PATJ: variants seen among roughly 807,000 people sequenced by gnomAD.
PATJ encodes inaD-like protein.
Under a neutral mutation model 224.9 loss-of-function variants are expected in PATJ, and 190 were observed. The observed-to-expected ratio is 0.84, with a 90% confidence interval of 0.75 to 0.95. PATJ has a LOEUF of 0.95. PATJ is among the 40% of genes least tolerant of loss of function. The pLI is 0.00. For missense variants in PATJ, 2,121 were observed against 2,270.3 expected (o/e 0.93, Z 1.34); for synonymous variants, 769 against 820.3 (o/e 0.94, Z 1.07).
At chr1:62,101,373 C>T (rs1205973932) in intron 33 of PATJ, among the ~76,000 whole-genome samples, 1 of 149,904 alleles carries the variant, frequency 6.7e-6, no homozygotes, top group East Asian at 2.0e-4. Flanking sequence ...AAGTGATTCT[C>T]CTGCCTCAGC....
intron 28 of PATJ, 25 bp downstream of exon 28, chr1:61,990,389 A>G (rs1415035125): frequency 1.3e-6 from 2 of 1,571,636 alleles, no homozygotes; most frequent in African/African-American, 2.7e-5. Flanking sequence ...TTTTTAACTT[A>G]TCTTTTGGTG....
At chr1:62,005,434 G>A (rs544155424) in intron 28 of PATJ, among the ~76,000 whole-genome samples, 21 of 120,068 alleles carry the variant, frequency 1.7e-4, no homozygotes, top group East Asian at 7.4e-4. Flanking sequence ...TTTTTTTTTC[G>A]TCTGTGTGTT....
intron 31 of PATJ, among the ~76,000 whole-genome samples, chr1:62,075,006 C>T (rs1233293717): frequency 3.3e-5 from 5 of 152,228 alleles, no homozygotes; most frequent in Non-Finnish European, 5.9e-5. Flanking sequence ...TCCCACCTAC[C>T]TCAAGCACAT....
intron 27 of PATJ, among the ~76,000 whole-genome samples, chr1:61,936,625 G>A (rs1676928240): frequency 6.6e-6 from 1 of 152,056 alleles, no homozygotes; most frequent in South Asian, 2.1e-4. Context: ...AGGCTGGAGT[G>A]CAGTGGCGTG....
At position 62,086,246 on chromosome 1, in the gene PATJ, G is replaced by GTGTGTGTGTGTGTGTGTA. The variant is rs1485900733; in HGVS notation, c.4377+1611_4377+1612insGTGTATGTGTGTGTGTGT. Among the ~76,000 whole-genome samples the GTGTGTGTGTGTGTGTGTA allele has an allele frequency of 2.4e-4, 37 of 151,488 alleles. No homozygotes were observed. The highest frequency in any genetic ancestry group is 7.5e-4 in the African/African-American group (31 of 41,278). On this transcript the variant is annotated intron_variant, in intron 33 of 43. Transcript: ENST00000642238. The surrounding 1 kb of genome is among the most constrained non-coding windows in gnomAD (Gnocchi z 4.0). The stretch of plus-strand genomic sequence containing the variant: ...TTAATGCATGTGTGTGTGTGTGTAT[G>GTGTGTGTGTGTGTGTGTA]TGTGTGTGTGTGTTTAATACCTGCA...
At chr1:61,932,672 G>A (rs1676210679) in intron 27 of PATJ, among the ~76,000 whole-genome samples, 1 of 152,186 alleles carries the variant, frequency 6.6e-6, no homozygotes, top group South Asian at 2.1e-4. Context: ...GGCCGAGGTG[G>A]GTGGATCACC....
chr1:62,055,762 G>C (rs1307744590), intron 31 of PATJ, among the ~76,000 whole-genome samples: 2 of 152,074 alleles, frequency 1.3e-5, no homozygotes, highest in Non-Finnish European at 2.9e-5. Context: ...AATGTATTAG[G>C]GTTCTCCGAA....
intron 43 of PATJ, among the ~76,000 whole-genome samples, chr1:62,160,229 G>C (rs1370581668): frequency 6.6e-6 from 1 of 152,066 alleles, no homozygotes; most frequent in Admixed American, 6.6e-5. Flanking sequence ...AAAAAACCCT[G>C]AAGTTTCACT....
intron 22 of PATJ, among the ~76,000 whole-genome samples, chr1:61,895,703 T>C (rs1670267669): frequency 6.6e-6 from 1 of 152,188 alleles, no homozygotes; most frequent in Non-Finnish European, 1.5e-5. Flanking sequence ...CAGGGCAATG[T>C]AGAGGAAAAA....
chr1:61,813,334 CATATATATATAT>C (rs747640923), intron 14 of PATJ, among the ~76,000 whole-genome samples: 51 of 63,074 alleles, frequency 8.1e-4, no homozygotes, highest in East Asian at 4.3e-3. Context: ...ATGGAATGTA[CATATATATATAT>C]ATATATATAT....
chr1:61,809,851 CT>C (rs34929042), intron 14 of PATJ, among the ~76,000 whole-genome samples: 62 of 138,910 alleles, frequency 4.5e-4, no homozygotes, highest in Admixed American at 5.8e-4. Flanking sequence ...TCTTTTCTTT[CT>C]TTTTTTTTTT....
intron 26 of PATJ, among the ~76,000 whole-genome samples, chr1:61,923,639 C>T (rs1165275406): frequency 6.6e-6 from 1 of 152,008 alleles, no homozygotes; most frequent in Non-Finnish European, 1.5e-5. Flanking sequence ...AGTGACTAGC[C>T]GGGCGTGGTG....
At chr1:61,895,188 G>A (rs1406331086) in intron 22 of PATJ, among the ~76,000 whole-genome samples, 1 of 152,222 alleles carries the variant, frequency 6.6e-6, no homozygotes, top group Non-Finnish European at 1.5e-5. Context: ...GAGCATAAAG[G>A]TGTAGAAAAT....
Position 61,901,299 on chromosome 1 carries a change from A to AAAATCTGG in PATJ, c.3222_3223insAATCTGGA (p.Pro1075AsnfsTer19), listed in dbSNP as rs1233770184. ...TTATATAGTGTTGAGATTTTTAGAG[A>AAAATCTGG]ACCCAATGTGTCTCTTGGGATCAGT... On this transcript the variant is annotated frameshift_variant, in exon 24 of 44. Coordinates refer to ENST00000642238, the MANE Select transcript of PATJ (RefSeq NM_001350145.3). LOFTEE classifies it high-confidence loss of function. 1 of 1,531,486 alleles carries AAAATCTGG rather than the reference A, an allele frequency of 6.5e-7. No homozygotes were observed. The highest frequency in any genetic ancestry group is 8.7e-7 in the Non-Finnish European group (1 of 1,150,308). 94.9% of individuals were successfully genotyped at this position (1,531,486 alleles called of 1,614,324 possible). A position where few individuals can be genotyped will look rare whatever the true frequency, so the allele number is the denominator to read the frequency against.
chr1:61,988,165 C>T (rs1644869766), intron 27 of PATJ, among the ~76,000 whole-genome samples: 1 of 152,106 alleles, frequency 6.6e-6, no homozygotes, highest in South Asian at 2.1e-4. Flanking sequence ...CACCACTGCA[C>T]TCCAGCCTGG....
chr1:61,972,327 T>A (rs1438241806), intron 27 of PATJ, among the ~76,000 whole-genome samples: 1 of 152,034 alleles, frequency 6.6e-6, no homozygotes, highest in Non-Finnish European at 1.5e-5. Flanking sequence ...AGTTGCAGAT[T>A]TTTGAGCATT....
chr1:61,806,390 C>T (rs553222882), intron 13 of PATJ, among the ~76,000 whole-genome samples: 2 of 151,920 alleles, frequency 1.3e-5, no homozygotes, highest in Non-Finnish European at 2.9e-5. Flanking sequence ...GAGGCCGAGG[C>T]GGGCGGATCA....
chr1:62,116,580 A>G lies in PATJ; in HGVS notation c.4704A>G (p.Ala1568=), dbSNP rs771852674. The G allele has an allele frequency of 1.2e-6, 2 of 1,613,996 alleles. No homozygotes were observed. Among genetic ancestry groups the G allele is most frequent in the Non-Finnish European group, 1.7e-6 (2 of 1,180,012 alleles). The part of the protein sequence containing the change: ...FISDIVKGGA[A]DLDGRLIQGD... Reference sequence around the variant, plus strand: ...CTGACATCGTGAAAGGCGGAGCCGCAGACCTGGATGGGAGATTGATTCAGG... The same window carrying G: ...CTGACATCGTGAAAGGCGGAGCCGCGGACCTGGATGGGAGATTGATTCAGG... Residue 1568 remains alanine (A), a synonymous_variant, in exon 36 of 44, where the codon GCA becomes GCG. Transcript: ENST00000642238.
At chr1:61,835,288 C>A (rs561750929) in intron 17 of PATJ, among the ~76,000 whole-genome samples, 2 of 151,444 alleles carry the variant, frequency 1.3e-5, no homozygotes, top group African/African-American at 2.4e-5. Context: ...TCTTTTTTTT[C>A]CTTCCCCATT....
Sources: gnomAD v4.1 joint callset for allele counts (sites outside exome capture counted in the v4.1 genomes callset) on GRCh38, gnomAD v4.1.1 for gene constraint, Gnocchi (gnomAD v3.1) non-coding constraint, MANE v1.5 for transcripts, NCBI Gene and HGNC (gene_info 2026-07-23, HGNC 2026-07-21) for gene names.